Variants in ARB2A observed in about 807,000 individuals in gnomAD.
ARB2A encodes ARB2 cotranscriptional regulator A.
At chr5:93,951,305 T>A in the ARB2A span, among the ~76,000 whole-genome samples, 1 of 152,178 alleles carries the variant, frequency 6.6e-6, no homozygotes, top group African/African-American at 2.4e-5. Flanking sequence ...GATTGTTTAT[T>A]TTGTTGCACG....
At chr5:93,684,008 C>T in the ARB2A span, among the ~76,000 whole-genome samples, 3 of 152,088 alleles carry the variant, frequency 2.0e-5, no homozygotes, top group African/African-American at 4.8e-5. Context: ...TGCATTAATA[C>T]GTGCATACTT....
the ARB2A span, among the ~76,000 whole-genome samples, chr5:94,080,823 C>T: frequency 6.1e-4 from 93 of 152,262 alleles, no homozygotes; most frequent in Non-Finnish European, 1.1e-3. Flanking sequence ...TCCTTCCTTT[C>T]GCAAGTCCTG....
chr5:93,708,715 T>C, the ARB2A span, among the ~76,000 whole-genome samples: 10 of 152,214 alleles, frequency 6.6e-5, no homozygotes, highest in East Asian at 1.9e-4. Context: ...CCATGGCCTC[T>C]GGGTTGGGGA....
chr5:93,741,652 CCA>C, the ARB2A span: 1 of 1,412,528 alleles, frequency 7.1e-7, no homozygotes, highest in Non-Finnish European at 9.3e-7. Flanking sequence ...GCCCCGCCCC[CCA>C]GTGGGCGGAG....
chr5:93,735,973 C>CT, the ARB2A span: 1 of 152,000 alleles, frequency 6.6e-6, no homozygotes, highest in Non-Finnish European at 1.5e-5. Flanking sequence ...CAAACATTCT[C>CT]TTAAATGGAA....
chr5:94,022,704 C>A, the ARB2A span, among the ~76,000 whole-genome samples: 58 of 152,284 alleles, frequency 3.8e-4, no homozygotes, highest in Admixed American at 7.2e-4. Flanking sequence ...ATGAAGTTGA[C>A]ACATCAATTT....
the ARB2A span, among the ~76,000 whole-genome samples, chr5:93,954,172 C>T: frequency 2.2e-4 from 34 of 152,058 alleles, 1 homozygote; most frequent in African/African-American, 8.2e-4. Flanking sequence ...TTATTTTTCC[C>T]CCTGCTTTTC....
chr5:93,848,984 C>T, the ARB2A span, among the ~76,000 whole-genome samples: 1 of 152,212 alleles, frequency 6.6e-6, no homozygotes, highest in Non-Finnish European at 1.5e-5. Context: ...AACACCCTGC[C>T]TCTGTCAGAT....
the ARB2A span, among the ~76,000 whole-genome samples, chr5:93,779,819 T>C: frequency 6.6e-6 from 1 of 152,182 alleles, no homozygotes; most frequent in South Asian, 2.1e-4. Flanking sequence ...CTATAGATTT[T>C]TGTGGTTGTA....
At chr5:93,896,665 AAAAGG>A in the ARB2A span, among the ~76,000 whole-genome samples, 1 of 152,096 alleles carries the variant, frequency 6.6e-6, no homozygotes, top group African/African-American at 2.4e-5. Flanking sequence ...AATTCATGTT[AAAAGG>A]AAGGAAAATG....
chr5:94,012,064 AGTCACAATGTTAAATATT>A, the ARB2A span, among the ~76,000 whole-genome samples: 2 of 152,182 alleles, frequency 1.3e-5, no homozygotes, highest in Non-Finnish European at 2.9e-5. Context: ...AGAAGAAAAA[AGTCACAATGTTAAATATT>A]GCTAAGTGGG....
At chr5:94,061,710 A>T in the ARB2A span, among the ~76,000 whole-genome samples, 1 of 152,218 alleles carries the variant, frequency 6.6e-6, no homozygotes, top group Non-Finnish European at 1.5e-5. Flanking sequence ...CACTCCAAAA[A>T]ATTAAAATAC....
the ARB2A span, among the ~76,000 whole-genome samples, chr5:93,731,924 C>T: frequency 1.3e-5 from 2 of 152,180 alleles, no homozygotes; most frequent in African/African-American, 4.8e-5. Flanking sequence ...GAGCTGATAG[C>T]AGAAAGTGAA....
the ARB2A span, among the ~76,000 whole-genome samples, chr5:93,996,324 T>C: frequency 6.6e-6 from 1 of 152,032 alleles, no homozygotes; most frequent in African/African-American, 2.4e-5. Context: ...GATAATTAGG[T>C]TTTGAAAATC....
the ARB2A span, among the ~76,000 whole-genome samples, chr5:93,682,535 T>G: frequency 0.042 from 6,368 of 151,832 alleles, 404 homozygotes; most frequent in African/African-American, 0.15. Context: ...ATTAAAATAC[T>G]GAGTTTTATT....
the ARB2A span, among the ~76,000 whole-genome samples, chr5:93,951,846 A>C: frequency 6.6e-6 from 1 of 152,230 alleles, no homozygotes; most frequent in East Asian, 1.9e-4. Flanking sequence ...GGTACATACA[A>C]AAATTAAAAG....
chr5:94,029,658 T>C, the ARB2A span, among the ~76,000 whole-genome samples: 1 of 152,002 alleles, frequency 6.6e-6, no homozygotes, highest in Non-Finnish European at 1.5e-5. Flanking sequence ...TTAGGTAAAG[T>C]TGTAACAGCT....
chr5:93,732,932 T>C, the ARB2A span, among the ~76,000 whole-genome samples: 1 of 152,084 alleles, frequency 6.6e-6, no homozygotes, highest in Admixed American at 6.5e-5. Context: ...ATTTATATTT[T>C]TTTCTCTATG....
chr5:93,944,208 G>C, the ARB2A span, among the ~76,000 whole-genome samples: 2 of 152,136 alleles, frequency 1.3e-5, no homozygotes, highest in East Asian at 3.9e-4. Context: ...CCTGTCACCG[G>C]AACGGCCAGG....
Sources: allele counts gnomAD v4.1 joint callset (sites outside exome capture counted in the v4.1 genomes callset), GRCh38; gene constraint gnomAD v4.1.1; transcripts MANE v1.5; gene names NCBI Gene and HGNC (gene_info 2026-07-23, HGNC 2026-07-21).